SLC7A6: variants seen among roughly 807,000 people sequenced by gnomAD.
The protein encoded by SLC7A6 is Y+L amino acid transporter 2.
Under a neutral mutation model 46.6 loss-of-function variants are expected in SLC7A6, and 29 were observed. The ratio of observed to expected loss-of-function variants is 0.62; its 90% CI spans 0.46 to 0.85. The LOEUF (loss-of-function observed/expected upper bound fraction) is 0.85. Among genes scored for constraint, SLC7A6 ranks in the 40% least tolerant of loss-of-function variants. The pLI, the probability that SLC7A6 is intolerant of heterozygous loss-of-function variation, is 0.00. For missense variants in SLC7A6, 527 were observed against 647.6 expected, an observed-to-expected ratio of 0.81 and a Z score of 2.02; for synonymous variants, 276 against 257.3, an observed-to-expected ratio of 1.07 and a Z score of -0.70.
intron 3 of SLC7A6, among the ~76,000 whole-genome samples, chr16:68,276,491 A>C (rs1395565545): frequency 6.6e-6 from 1 of 152,182 alleles, no homozygotes; most frequent in African/African-American, 2.4e-5. Context: ...GCAATAAAGG[A>C]CTGTAGAATA....
intron 2 of SLC7A6, 101 bp from the exon 3 acceptor site, chr16:68,274,590 A>C: frequency 1.1e-6 from 1 of 950,012 alleles, no homozygotes; most frequent in Non-Finnish European, 1.6e-6. Context: ...GGCTGTGTGC[A>C]TGGCATGCTG....
intron 7 of SLC7A6, chr16:68,292,023 G>A (rs1395343667): frequency 1.3e-5 from 3 of 223,420 alleles, no homozygotes; most frequent in Non-Finnish European, 2.7e-5. Flanking sequence ...TTCCATCTGA[G>A]ATGAGGACAG....
At position 68,301,656 on chromosome 16, in the gene SLC7A6, C is replaced by T; in HGVS notation, c.*4328C>T. 1 of 313,598 alleles carries T rather than the reference C, an allele frequency of 3.2e-6. No individual in the cohort carries two copies. Among genetic ancestry groups the T allele is most frequent in the East Asian group, 5.8e-5 (1 of 17,210 alleles). 19.4% of individuals were successfully genotyped at this position (313,598 alleles called of 1,614,324 possible). ...CCGTGGAGTATTTTGTCACTTCTCC[C>T]CTCCGTATAGGATTTTTTGTTGTTG... is the stretch of plus-strand genomic sequence containing the variant. On this transcript the variant is annotated 3_prime_UTR_variant, in exon 11 of 11. Transcript: ENST00000219343.
In SLC7A6 at chr16:68,290,439, G is replaced by A; in HGVS notation, c.693G>A (p.Trp231Ter). 2 of 1,613,972 alleles carry A rather than the reference G, an allele frequency of 1.2e-6. No homozygotes were observed. Residue 231 changes from tryptophan (W) to a stop codon, truncating the protein, a stop_gained, in exon 5 of 11, where the codon TGG (tryptophan) becomes TGA (stop). Coordinates refer to ENST00000219343, the MANE Select transcript of SLC7A6 (RefSeq NM_003983.6). LOFTEE classifies it high-confidence loss of function. ...HFQDAFEGSS[W>*]DMGNLSLALY... is the part of the protein sequence containing the mutation. ...AGGACGCCTTTGAGGGTTCCTCCTG[G>A]GACATGGGAAACCTCTCTCTTGCCC...
rs1019606440 is a variant in SLC7A6 at position 68,274,879 on chromosome 16, C to G, written c.153C>G (p.Val51=). 7.4e-6 allele frequency: 12 copies of G among 1,614,098 alleles called. No homozygotes were observed. In the African/African-American group the frequency reaches 9.3e-5, roughly 13 times the overall value. ...AGGAGATCTCCCTGCTGAATGGGGT[C>G]AGCCTGGTGGTGGGCAACATGATCG... ...LKKEISLLNG[V]SLVVGNMIGS... Residue 51 remains valine (V), a synonymous_variant, in exon 3 of 11, where the codon GTC becomes GTG. Transcript: ENST00000219343.
chr16:68,291,542 T>C lies in SLC7A6; in HGVS notation c.919-16T>C, dbSNP rs1445904640. On this transcript the variant is annotated splice_polypyrimidine_tract_variant and intron_variant, in intron 6 of 10. Coordinates refer to ENST00000219343, the MANE Select transcript of SLC7A6 (RefSeq NM_003983.6). ...ACCCTGTGCGTTTAAGTGCCTTTTC[T>C]GTGCCCTGCCCCCAGACATTTGCTG... 1.9e-6 allele frequency: 3 copies of C among 1,613,682 alleles called. No homozygotes were observed. Among genetic ancestry groups the C allele is most frequent in the Admixed American group, 1.7e-5 (1 of 59,972 alleles).
intron 3 of SLC7A6, among the ~76,000 whole-genome samples, chr16:68,285,584 T>A (rs1196818129): frequency 6.6e-6 from 1 of 152,224 alleles, no homozygotes; most frequent in Non-Finnish European, 1.5e-5. Context: ...GCCAGTGTAC[T>A]GAGTGAAAGC....
chr16:68,301,523 C>G lies in SLC7A6; in HGVS notation c.*4195C>G, dbSNP rs998997482. On this transcript the variant is annotated 3_prime_UTR_variant, in exon 11 of 11. Coordinates refer to ENST00000219343, the MANE Select transcript of SLC7A6 (RefSeq NM_003983.6). The stretch of plus-strand genomic sequence containing the variant: ...CCGATTGTAATGCAAAATCCTTGCT[C>G]AATAAATAAAAAAGAATATAGAATT... 3 of 744,572 alleles carry G rather than the reference C, an allele frequency of 4.0e-6. No homozygotes were observed. Among genetic ancestry groups the G allele is most frequent in the Admixed American group, 3.2e-5 (1 of 31,698 alleles). The allele number at this position is 744,572 out of a possible 1,614,324, so 46.1% of individuals were successfully genotyped here.
At chr16:68,269,507 A>G (rs9933029) in intron 2 of SLC7A6, among the ~76,000 whole-genome samples, 97,497 of 151,858 alleles carry the variant, frequency 0.64, 31,487 homozygotes, top group East Asian at 0.81. Context: ...TGCACCAATG[A>G]CTTCAAATTC....
intron 5 of SLC7A6, chr16:68,290,993 G>A (rs2043037572): frequency 3.5e-6 from 2 of 578,934 alleles, no homozygotes; most frequent in Middle Eastern, 9.2e-4. Context: ...GTCCTACTGT[G>A]GCAAAGATTA....
chr16:68,283,134 G>A (rs901459194), intron 3 of SLC7A6, among the ~76,000 whole-genome samples: 1 of 152,206 alleles, frequency 6.6e-6, no homozygotes, highest in African/African-American at 2.4e-5. Context: ...GAGTATGAAA[G>A]GCACAGTTCT....
At chr16:68,278,306 A>ATT (rs113430953) in intron 3 of SLC7A6, among the ~76,000 whole-genome samples, 5 of 133,568 alleles carry the variant, frequency 3.7e-5, no homozygotes, top group Non-Finnish European at 4.9e-5. Context: ...CTGCTTTATA[A>ATT]TTTTTTTTTT....
At position 68,297,273 on chromosome 16, in the gene SLC7A6, T is replaced by C; in HGVS notation, c.1493T>C (p.Val498Ala). The C allele has an allele frequency of 6.2e-7, 1 of 1,614,168 alleles. No individual in the cohort carries two copies. The highest frequency in any genetic ancestry group is 8.5e-7 in the Non-Finnish European group (1 of 1,180,008). Residue 498 changes from valine (V) to alanine (A), a missense_variant, in exon 11 of 11, where the codon GTC (valine) becomes GCC (alanine). Coordinates refer to ENST00000219343, the MANE Select transcript of SLC7A6 (RefSeq NM_003983.6). ...GGCACCCAGCAGCTTTGCTTTTGTG[T>C]CCTGACTGAGCTTGATGTAGCCGAA... ...TRGTQQLCFC[V>A]LTELDVAEEK...
chr16:68,295,487 C>T (rs531746480), intron 8 of SLC7A6, among the ~76,000 whole-genome samples: 1 of 152,308 alleles, frequency 6.6e-6, no homozygotes, highest in East Asian at 1.9e-4. Context: ...GATGAGGTCT[C>T]ACTATGTTGC....
Position 68,298,039 on chromosome 16 carries a change from C to G in SLC7A6, c.*711C>G, listed in dbSNP as rs1320752987. 6.6e-6 allele frequency: 1 copy of G among 152,594 alleles called. No individual in the cohort carries two copies. Among genetic ancestry groups the G allele is most frequent in the Non-Finnish European group, 1.5e-5 (1 of 68,034 alleles). The allele number at this position is 152,594 out of a possible 1,614,324, so 9.5% of individuals were successfully genotyped here. Reference sequence around the variant, plus strand: ...TTGAGTCTTACCTGCAACAATGAACCTTAAAGATTTTTTTACTCACGTACC... The same window carrying G: ...TTGAGTCTTACCTGCAACAATGAACGTTAAAGATTTTTTTACTCACGTACC... On this transcript the variant is annotated 3_prime_UTR_variant, in exon 11 of 11. Transcript: ENST00000219343.
chr16:68,275,552 G>C (rs1307147052), intron 3 of SLC7A6, among the ~76,000 whole-genome samples: 1 of 138,464 alleles, frequency 7.2e-6, no homozygotes, highest in East Asian at 2.1e-4. Flanking sequence ...CGGAGATCAT[G>C]CCATTGTACT....
Position 68,301,053 on chromosome 16 carries a change from T to C in SLC7A6, c.*3725T>C. 1.6e-6 allele frequency: 2 copies of C among 1,215,218 alleles called. No individual in the cohort carries two copies. Among genetic ancestry groups the C allele is most frequent in the South Asian group, 7.7e-5 (2 of 25,880 alleles). The allele number at this position is 1,215,218 out of a possible 1,614,324, so 75.3% of individuals were successfully genotyped here. Reference sequence around the variant, plus strand: ...TTTTTTTTTCTTTCAAACTGTAGGGTCACTTTTGATTGAGGCAAAGGGGTC... The same window carrying C: ...TTTTTTTTTCTTTCAAACTGTAGGGCCACTTTTGATTGAGGCAAAGGGGTC... On this transcript the variant is annotated 3_prime_UTR_variant, in exon 11 of 11. Transcript: ENST00000219343.
At chr16:68,287,545 G>C in intron 3 of SLC7A6, 1 of 1,440,430 alleles carries the variant, frequency 6.9e-7, no homozygotes, top group Non-Finnish European at 9.1e-7. Context: ...TTGAGCACCA[G>C]TAGTGATGGA....
chr16:68,286,064 C>G (rs1335951159), intron 3 of SLC7A6, among the ~76,000 whole-genome samples: 1 of 142,292 alleles, frequency 7.0e-6, no homozygotes, highest in African/African-American at 2.7e-5. Context: ...CCCACTCCAG[C>G]CTGGGTGACA....
Sources: gnomAD v4.1 joint callset for allele counts (sites outside exome capture counted in the v4.1 genomes callset) on GRCh38, gnomAD v4.1.1 for gene constraint, MANE v1.5 for transcripts, NCBI Gene and HGNC (gene_info 2026-07-23, HGNC 2026-07-21) for gene names.